FCHO2: variants seen among roughly 807,000 people sequenced by gnomAD.
FCHO2 encodes FCH and mu domain containing endocytic adaptor 2.
FCHO2 carries 43 observed loss-of-function variants against 114.1 expected under a neutral mutation model. That is an observed-to-expected ratio of 0.38 (90% CI 0.30 to 0.49). FCHO2 has a LOEUF of 0.49. FCHO2 is among the 20% of genes least tolerant of loss of function. The pLI, the probability that FCHO2 is intolerant of heterozygous loss-of-function variation, is 0.97. For missense variants in FCHO2, 807 were observed against 950.4 expected, an observed-to-expected ratio of 0.85 and a Z score of 1.98; for synonymous variants, 293 against 315.2, an observed-to-expected ratio of 0.93 and a Z score of 0.75.
intron 6 of FCHO2, among the ~76,000 whole-genome samples, chr5:73,011,292 T>C (rs912055258): frequency 2.0e-5 from 3 of 152,164 alleles, no homozygotes; most frequent in Admixed American, 1.3e-4. Context: ...CTTCCTTCAA[T>C]AATAAATTAA....
intron 11 of FCHO2, among the ~76,000 whole-genome samples, chr5:73,043,981 A>G (rs1756933794): frequency 6.6e-6 from 1 of 152,130 alleles, no homozygotes; most frequent in Non-Finnish European, 1.5e-5. Context: ...GGTGGGAGGC[A>G]ATTGGGTCAG....
chr5:73,024,097 T>C (rs1438201252), intron 8 of FCHO2, among the ~76,000 whole-genome samples: 2 of 152,142 alleles, frequency 1.3e-5, no homozygotes, highest in Non-Finnish European at 2.9e-5. Flanking sequence ...TCTTGCTCTG[T>C]CACCTAGGCT....
intron 5 of FCHO2, among the ~76,000 whole-genome samples, chr5:73,003,902 G>C (rs1366433033): frequency 6.6e-6 from 1 of 151,902 alleles, no homozygotes; most frequent in Non-Finnish European, 1.5e-5. Context: ...ACAAAAATTA[G>C]CTGGGCGTGG....
intron 2 of FCHO2, among the ~76,000 whole-genome samples, chr5:72,979,378 CTTTTTTTTTTTTTTTTT>C (rs60234739): frequency 0.02 from 979 of 49,890 alleles, 31 homozygotes; most frequent in Middle Eastern, 0.083. Context: ...TTATCAATTT[CTTTTTTTTTTTTTTTTT>C]TTTTTTTTTT....
chr5:73,030,785 A>G (rs1355090268), intron 8 of FCHO2, among the ~76,000 whole-genome samples: 2 of 152,224 alleles, frequency 1.3e-5, no homozygotes, highest in African/African-American at 4.8e-5. Flanking sequence ...TACATAATAT[A>G]GTTTAGAAGC....
chr5:73,023,559 G>A (rs72764854), intron 8 of FCHO2, among the ~76,000 whole-genome samples: 17,902 of 152,108 alleles, frequency 0.12, 1,270 homozygotes, highest in Non-Finnish European at 0.17. Context: ...AATTAGCTGG[G>A]AGTGGTGATG....
At chr5:73,051,561 T>G (rs188017584) in intron 12 of FCHO2, among the ~76,000 whole-genome samples, 155 bp downstream of exon 12, 209 of 151,994 alleles carry the variant, frequency 1.4e-3, no homozygotes, top group Admixed American at 4.0e-3. Flanking sequence ...TGTTGTTGTT[T>G]TTTGTTTTTT....
chr5:73,066,218 A>C (rs985476833), intron 18 of FCHO2, among the ~76,000 whole-genome samples: 1 of 151,938 alleles, frequency 6.6e-6, no homozygotes, highest in African/African-American at 2.4e-5. Context: ...CCCTCTCCCC[A>C]TCCTTGAGAG....
At chr5:73,070,608 G>T (rs1742595549) in intron 19 of FCHO2, among the ~76,000 whole-genome samples, 1 of 150,106 alleles carries the variant, frequency 6.7e-6, no homozygotes. Flanking sequence ...TATTCAGGAG[G>T]TTTTGTGTTT....
intron 24 of FCHO2, among the ~76,000 whole-genome samples, chr5:73,083,178 C>T (rs1743181708): frequency 6.6e-6 from 1 of 152,106 alleles, no homozygotes; most frequent in African/African-American, 2.4e-5. Context: ...GCCACTGCGC[C>T]TGGCCATGGG....
In FCHO2 at chr5:73,063,827, T is replaced by TC. The variant is rs747460006; in HGVS notation, c.1346-9dup. 5.0e-6 allele frequency: 8 copies of TC among 1,605,792 alleles called. No homozygotes were observed. Among genetic ancestry groups the TC allele is most frequent in the Non-Finnish European group, 6.0e-6 (7 of 1,174,818 alleles). On this transcript the variant is annotated splice_polypyrimidine_tract_variant and intron_variant, in intron 17 of 25. Coordinates refer to ENST00000430046, the MANE Select transcript of FCHO2 (RefSeq NM_138782.3). ...TAATGATTTTCTTCAAATTCTCTTT[T>TC]CCCCCTCAACCAGCCAGGCCCACAA... is the stretch of plus-strand genomic sequence containing the variant.
At chr5:72,999,424 C>T (rs1011967910) in intron 5 of FCHO2, among the ~76,000 whole-genome samples, 3 of 143,304 alleles carry the variant, frequency 2.1e-5, no homozygotes, top group African/African-American at 7.9e-5. Flanking sequence ...GCTCTGTTAC[C>T]CAGGCTGGAG....
chr5:73,040,618 A>G (rs1162350265), intron 10 of FCHO2, among the ~76,000 whole-genome samples: 41 of 152,226 alleles, frequency 2.7e-4, no homozygotes, highest in Admixed American at 2.7e-3. Context: ...TCACTAGTGT[A>G]TATGCAAATT....
At position 72,956,219 on chromosome 5, in the gene FCHO2, C is replaced by T. The variant is rs549350566; in HGVS notation, c.33+90C>T. 5.1e-5 allele frequency: 76 copies of T among 1,485,576 alleles called. No individual in the cohort carries two copies. In the African/African-American group the frequency reaches 1.1e-3, roughly 21 times the overall value. 92.0% of individuals were successfully genotyped at this position (1,485,576 alleles called of 1,614,324 possible). The stretch of plus-strand genomic sequence containing the variant: ...CTGCGTGCGCTTCGGGCGGCGGCGG[C>T]GGCCCCTCCGGCAGGGCGAGCGTCC... On this transcript the variant is annotated intron_variant, in intron 1 of 25. Transcript: ENST00000430046.
At chr5:72,959,889 C>T (rs997171136) in intron 1 of FCHO2, among the ~76,000 whole-genome samples, 2 of 152,130 alleles carry the variant, frequency 1.3e-5, no homozygotes, top group Non-Finnish European at 2.9e-5. Flanking sequence ...AAATGATCCT[C>T]CCACCTCAGC....
chr5:73,055,353 T>G (rs7349774), intron 15 of FCHO2, among the ~76,000 whole-genome samples: 45,287 of 151,904 alleles, frequency 0.3, 6,982 homozygotes, highest in East Asian at 0.44. Flanking sequence ...GAGTGAATGG[T>G]TATCATGTAC....
intron 22 of FCHO2, among the ~76,000 whole-genome samples, 172 bp from the exon 23 acceptor site, chr5:73,081,611 T>C (rs751948256): frequency 6.6e-6 from 1 of 152,180 alleles, no homozygotes; most frequent in Non-Finnish European, 1.5e-5. Flanking sequence ...GGTCCCCACA[T>C]TGAGAATGAT....
intron 18 of FCHO2, among the ~76,000 whole-genome samples, chr5:73,065,138 C>T (rs1021322829): frequency 1.3e-4 from 20 of 152,050 alleles, no homozygotes; most frequent in Admixed American, 4.6e-4. Context: ...TCCGAATGAA[C>T]AGACTTAGTG....
intron 6 of FCHO2, among the ~76,000 whole-genome samples, chr5:73,009,476 A>G (rs551167894): frequency 4.1e-4 from 63 of 152,240 alleles, no homozygotes; most frequent in African/African-American, 1.3e-3. Context: ...CTGCTTCCTC[A>G]TTACATTTTT....
Sources: gnomAD v4.1 joint callset for allele counts (sites outside exome capture counted in the v4.1 genomes callset) on GRCh38, gnomAD v4.1.1 for gene constraint, MANE v1.5 for transcripts, NCBI Gene and HGNC (gene_info 2026-07-23, HGNC 2026-07-21) for gene names.